JMY: variants seen among roughly 807,000 people sequenced by gnomAD.
JMY encodes junction mediating and regulatory protein, p53 cofactor.
A neutral mutation model predicts 103.3 loss-of-function variants in JMY; 46 were observed. That is an observed-to-expected ratio of 0.45 (90% CI 0.35 to 0.57). The LOEUF (loss-of-function observed/expected upper bound fraction) is 0.57, where lower values mean the gene tolerates loss of function less well. Ranked by LOEUF, JMY falls within the 20% of genes least tolerant of loss-of-function variation. The pLI, the probability that JMY is intolerant of heterozygous loss-of-function variation, is 0.00. For synonymous variants in JMY, 526 were observed against 489.3 expected (o/e 1.07, Z -0.99); for missense variants, 1,238 against 1,255.2 (o/e 0.99, Z 0.21).
At chr5:79,299,190 C>T (rs1207601953) in intron 4 of JMY, among the ~76,000 whole-genome samples, 6 of 152,192 alleles carry the variant, frequency 3.9e-5, no homozygotes, top group African/African-American at 1.4e-4. Flanking sequence ...ATGCCCGTAT[C>T]GGGGCTTTCC....
rs1391540326 is a variant in JMY at position 79,236,513 on chromosome 5, G to C, written c.-138G>C. 1 of 586,956 alleles carries C rather than the reference G, an allele frequency of 1.7e-6. No homozygotes were observed. The highest frequency in any genetic ancestry group is 2.0e-5 in the African/African-American group (1 of 51,036). 36.4% of individuals were successfully genotyped at this position (586,956 alleles called of 1,614,324 possible). ...GGGGCGCGGAGGGACAGGCGAACGAGCCGGGAGAGCCGGCCGGCGCACTAA... is the reference window on the plus strand; with the variant it reads ...GGGGCGCGGAGGGACAGGCGAACGACCCGGGAGAGCCGGCCGGCGCACTAA... On this transcript the variant is annotated 5_prime_UTR_variant, in exon 1 of 11. Transcript: ENST00000396137.
At position 79,323,487 on chromosome 5, in the gene JMY, T is replaced by C. The variant is rs1747529669; in HGVS notation, c.*1885T>C. The C allele has an allele frequency of 6.6e-6, 1 of 152,212 alleles. No individual in the cohort carries two copies. The highest frequency in any genetic ancestry group is 1.5e-5 in the Non-Finnish European group (1 of 68,034). 9.4% of individuals were successfully genotyped at this position (152,212 alleles called of 1,614,324 possible). On this transcript the variant is annotated 3_prime_UTR_variant, in exon 11 of 11. Transcript: ENST00000396137. ...GCGTATTTCTTAACCCAAAGAGTGA[T>C]TGGTTATATGAATATATTTGAAAAA...
At chr5:79,238,230 T>C (rs1178248374) in intron 1 of JMY, among the ~76,000 whole-genome samples, 2 of 152,048 alleles carry the variant, frequency 1.3e-5, no homozygotes, top group East Asian at 1.9e-4. Flanking sequence ...TTTTAAAAGG[T>C]TTTTTAGAAG....
intron 7 of JMY, among the ~76,000 whole-genome samples, chr5:79,311,439 G>A (rs895635994): frequency 5.9e-5 from 9 of 152,158 alleles, no homozygotes; most frequent in African/African-American, 1.4e-4. Context: ...GAAGAGGAGA[G>A]AAATGATAGA....
intron 8 of JMY, 30 bp downstream of exon 8, chr5:79,312,528 T>C: frequency 8.0e-7 from 1 of 1,247,318 alleles, no homozygotes; most frequent in South Asian, 1.6e-5. Context: ...ATTTATTGTT[T>C]TTCTTTTTTT....
intron 1 of JMY, among the ~76,000 whole-genome samples, chr5:79,256,297 C>T (rs1745240312): frequency 6.6e-6 from 1 of 152,192 alleles, no homozygotes; most frequent in Admixed American, 6.5e-5. Flanking sequence ...GTTGCCTGGC[C>T]TGGGACTCAC....
intron 2 of JMY, among the ~76,000 whole-genome samples, chr5:79,283,809 TA>T (rs1469053004): frequency 6.6e-6 from 1 of 152,226 alleles, no homozygotes; most frequent in African/African-American, 2.4e-5. Context: ...ACTAGCCTAA[TA>T]AAACAGGACT....
At chr5:79,237,925 C>T (rs1474163755) in intron 1 of JMY, among the ~76,000 whole-genome samples, 1 of 152,092 alleles carries the variant, frequency 6.6e-6, no homozygotes, top group Non-Finnish European at 1.5e-5. Context: ...TAAGTGCGCT[C>T]TGTGTACTAC....
At position 79,291,265 on chromosome 5, in the gene JMY, G is replaced by A. The variant is rs373326661; in HGVS notation, c.1493G>A (p.Cys498Tyr). 1.9e-6 allele frequency: 3 copies of A among 1,602,262 alleles called. No individual in the cohort carries two copies. In the African/African-American group the frequency reaches 4.0e-5, roughly 22 times the overall value. Residue 498 changes from cysteine (C) to tyrosine (Y), a missense_variant, in exon 4 of 11, where the codon TGC (cysteine) becomes TAC (tyrosine). Coordinates refer to ENST00000396137, the MANE Select transcript of JMY (RefSeq NM_152405.5). ...CAGATGATGAGAGCTAAAGAGATAT[G>A]CTTGGAACAGCGGAAACATGCACTA... ...TLQMMRAKEICLEQRKHALKE... is the reference protein window; with the variant it reads ...TLQMMRAKEIYLEQRKHALKE...
chr5:79,292,975 C>T (rs1746466116), intron 4 of JMY, among the ~76,000 whole-genome samples: 2 of 152,152 alleles, frequency 1.3e-5, no homozygotes, highest in African/African-American at 4.8e-5. Flanking sequence ...TGGTGATGTA[C>T]CAATTTTATT....
rs369814387 is a variant in JMY at position 79,306,415 on chromosome 5, G to A, written c.1922G>A (p.Arg641His). Reference sequence around the variant, plus strand: ...AAACACAATGAAAAAATCCAACAGCGCACTCGGATTGAAGATGAATATAGA... The same window carrying A: ...AAACACAATGAAAAAATCCAACAGCACACTCGGATTGAAGATGAATATAGA... ...IAKHNEKIQQ[R>H]TRIEDEYRTH... Residue 641 changes from arginine to histidine, a missense_variant, in exon 7 of 11, where the codon CGC (arginine) becomes CAC (histidine). By Grantham distance (29) the Arg-to-His change is conservative (BLOSUM62 0). Transcript: ENST00000396137. 47 of 1,613,074 alleles carry A rather than the reference G, an allele frequency of 2.9e-5. No homozygotes were observed. The highest frequency in any genetic ancestry group is 1.1e-4 in the African/African-American group (8 of 74,972).
intron 1 of JMY, among the ~76,000 whole-genome samples, chr5:79,270,840 T>C (rs2112077783): frequency 6.6e-6 from 1 of 151,276 alleles, no homozygotes; most frequent in South Asian, 2.1e-4. Context: ...ATGAATTGAG[T>C]GTTGGATTTT....
At chr5:79,260,969 C>T (rs1333554707) in intron 1 of JMY, among the ~76,000 whole-genome samples, 2 of 152,012 alleles carry the variant, frequency 1.3e-5, no homozygotes, top group Non-Finnish European at 2.9e-5. Context: ...TATCCTAAGT[C>T]ACTCCCTTTC....
chr5:79,284,962 G>A (rs1470501979), intron 2 of JMY: 2 of 1,300,346 alleles, frequency 1.5e-6, no homozygotes, highest in East Asian at 4.8e-5. Flanking sequence ...TCAAATGAAA[G>A]TAAAATGAAG....
intron 1 of JMY, among the ~76,000 whole-genome samples, chr5:79,250,154 A>C (rs1321108397): frequency 3.9e-5 from 6 of 152,206 alleles, no homozygotes; most frequent in African/African-American, 1.4e-4. Flanking sequence ...ACTTGTTTGT[A>C]CTAAAAACCG....
intron 10 of JMY, among the ~76,000 whole-genome samples, chr5:79,320,627 A>G (rs1398486212): frequency 1.3e-5 from 2 of 152,166 alleles, no homozygotes; most frequent in Non-Finnish European, 2.9e-5. Context: ...GGAGTCTTCT[A>G]AAGTAACTAT....
intron 1 of JMY, among the ~76,000 whole-genome samples, chr5:79,266,645 A>G (rs1474553645): frequency 6.6e-6 from 1 of 152,190 alleles, no homozygotes; most frequent in Non-Finnish European, 1.5e-5. Context: ...TGTTAACTAT[A>G]ATTTTCCTAC....
At chr5:79,306,225 G>A in intron 6 of JMY, 150 bp from the exon 7 acceptor site, 1 of 601,228 alleles carries the variant, frequency 1.7e-6, no homozygotes, top group Non-Finnish European at 3.0e-6. Flanking sequence ...GGCTTTTACA[G>A]CTTCAGTTGT....
chr5:79,291,284 T>C lies in JMY; in HGVS notation c.1512T>C (p.His504=). 1 of 1,569,970 alleles carries C rather than the reference T, an allele frequency of 6.4e-7. No homozygotes were observed. Among genetic ancestry groups the C allele is most frequent in the Non-Finnish European group, 8.6e-7 (1 of 1,161,762 alleles). ...AKEICLEQRK[H]ALKEEMQSLR... is the part of the protein sequence containing the mutation. The stretch of plus-strand genomic sequence containing the variant: ...AGATATGCTTGGAACAGCGGAAACA[T>C]GCACTAAAGGAAGAGGTAACAAAAA... The change falls in exon 4 of 11, where the codon CAT becomes CAC. Residue 504 remains histidine, a synonymous_variant. Coordinates refer to ENST00000396137, the MANE Select transcript of JMY (RefSeq NM_152405.5).
Sources: gnomAD v4.1 joint callset for allele counts (sites outside exome capture counted in the v4.1 genomes callset) on GRCh38, gnomAD v4.1.1 for gene constraint, MANE v1.5 for transcripts, NCBI Gene and HGNC (gene_info 2026-07-23, HGNC 2026-07-21) for gene names.